The following USPL1 variants were observed in gnomAD, a reference collection of about 807,000 sequenced individuals.
USPL1 encodes the protein ubiquitin specific peptidase like 1.
In USPL1, 27 loss-of-function variants were observed where a neutral mutation model predicts 51.5. The ratio of observed to expected loss-of-function variants is 0.52; its 90% CI spans 0.39 to 0.72. The LOEUF is 0.72. Among genes scored for constraint, USPL1 ranks in the 30% least tolerant of loss-of-function variants. USPL1 has a pLI of 0.00. For synonymous variants in USPL1, 451 were observed against 459.6 expected (o/e 0.98, Z 0.24); for missense variants, 1,226 against 1,268.0 (o/e 0.97, Z 0.50).
chr13:30,624,949 TA>T (rs1196085894), intron 3 of USPL1, among the ~76,000 whole-genome samples: 2 of 152,202 alleles, frequency 1.3e-5, no homozygotes, highest in Non-Finnish European at 2.9e-5. Flanking sequence ...TGTCTTCCCT[TA>T]CCTCCCTGAA....
intron 3 of USPL1, among the ~76,000 whole-genome samples, chr13:30,629,495 A>T (rs985928339): frequency 6.6e-6 from 1 of 152,148 alleles, no homozygotes. Context: ...TCAAAAAAAA[A>T]TTTTAATGGC....
In USPL1 at chr13:30,631,697, C is replaced by G. The variant is rs143952426; in HGVS notation, c.868+223C>G. 3.3e-3 allele frequency among the ~76,000 whole-genome samples: 504 copies of G among 152,280 alleles called. 2 individuals carry two copies. The highest frequency in any genetic ancestry group is 0.012 in the African/African-American group (487 of 41,552). ...GTGAGATGGTGGCCCCACTGTCTTG[C>G]CCAGGCTGGACTCGATTTCCTGGGT... On this transcript the variant is annotated intron_variant, in intron 4 of 8. Transcript: ENST00000255304.
intron 3 of USPL1, among the ~76,000 whole-genome samples, chr13:30,625,322 G>A (rs1377278909): frequency 6.6e-6 from 1 of 152,128 alleles, no homozygotes; most frequent in Non-Finnish European, 1.5e-5. Context: ...ACTTGGAAGA[G>A]CAAGGTTTTG....
chr13:30,643,295 T>G (rs1267624224), intron 6 of USPL1, among the ~76,000 whole-genome samples: 2 of 152,228 alleles, frequency 1.3e-5, no homozygotes, highest in Non-Finnish European at 2.9e-5. Context: ...CTTCAGGCTT[T>G]GCATAAGGTG....
chr13:30,627,114 T>C (rs1408817633), intron 3 of USPL1, among the ~76,000 whole-genome samples: 4 of 152,076 alleles, frequency 2.6e-5, no homozygotes, highest in African/African-American at 9.7e-5. Flanking sequence ...ATTAGGTTTT[T>C]TTCAGCATTG....
chr13:30,620,932 G>T (rs1950638541), intron 1 of USPL1, 141 bp from the exon 2 acceptor site: 3 of 428,350 alleles, frequency 7.0e-6, no homozygotes, highest in Non-Finnish European at 1.2e-5. Context: ...TTCACTTCAA[G>T]ATTATAATTT....
intron 2 of USPL1, 47 bp from the exon 3 acceptor site, chr13:30,621,717 A>G (rs1950648809): frequency 1.5e-6 from 2 of 1,321,140 alleles, no homozygotes; most frequent in Non-Finnish European, 2.0e-6. Flanking sequence ...ATATTTTGAT[A>G]TATTCTAGGA....
At chr13:30,653,572 G>T (rs898680859) in intron 8 of USPL1, among the ~76,000 whole-genome samples, 2 of 152,024 alleles carry the variant, frequency 1.3e-5, no homozygotes, top group African/African-American at 4.8e-5. Context: ...CAAAGGATGA[G>T]ATTACTACTG....
Position 30,659,007 on chromosome 13 carries a change from C to T in USPL1, c.2930C>T (p.Ser977Phe), listed in dbSNP as rs1449031848. 1.2e-6 allele frequency: 2 copies of T among 1,614,058 alleles called. No individual in the cohort carries two copies. The highest frequency in any genetic ancestry group is 1.7e-6 in the Non-Finnish European group (2 of 1,180,050). ...GAAGAAATTTTAGCGGAATTATTGT[C>T]TCCTACACCTGTTTCAACAGAGCTG... ...THEEILAELL[S>F]PTPVSTELSE... Residue 977 changes from serine (S) to phenylalanine (F), a missense_variant, in exon 9 of 9, where the codon TCT (serine) becomes TTT (phenylalanine). By Grantham distance (155) the Ser-to-Phe change is radical (BLOSUM62 -2). Transcript: ENST00000255304.
Position 30,658,054 on chromosome 13 carries a change from A to G in USPL1, c.1977A>G (p.Val659=). The G allele has an allele frequency of 3.1e-6, 5 of 1,613,152 alleles. No homozygotes were observed. The highest frequency in any genetic ancestry group is 4.2e-6 in the Non-Finnish European group (5 of 1,179,902). ...ACATAAGTTTTCCATCCCAAGTTGT[A>G]AATACAAACATGCAGTCAGTACAGC... ...FVDISFPSQV[V]NTNMQSVQLN... Residue 659 remains valine (V), a synonymous_variant, in exon 9 of 9, where the codon GTA becomes GTG. Coordinates refer to ENST00000255304, the MANE Select transcript of USPL1 (RefSeq NM_005800.5).
chr13:30,647,748 T>C (rs1404952756), intron 7 of USPL1, among the ~76,000 whole-genome samples: 2 of 152,166 alleles, frequency 1.3e-5, no homozygotes, highest in Admixed American at 1.3e-4. Flanking sequence ...GAGGTCTAAT[T>C]TGATGTAATA....
intron 4 of USPL1, among the ~76,000 whole-genome samples, chr13:30,634,868 T>C (rs563729527): frequency 1.3e-5 from 2 of 152,358 alleles, no homozygotes; most frequent in East Asian, 3.9e-4. Context: ...TTCACACTTT[T>C]GAGATTTTTG....
At chr13:30,634,165 G>T (rs1950843975) in intron 4 of USPL1, among the ~76,000 whole-genome samples, 1 of 152,050 alleles carries the variant, frequency 6.6e-6, no homozygotes, top group Non-Finnish European at 1.5e-5. Context: ...GTCAAATAAG[G>T]GTTGCTTGAA....
intron 8 of USPL1, among the ~76,000 whole-genome samples, chr13:30,654,841 CTT>C (rs1951139451): frequency 6.6e-6 from 1 of 151,304 alleles, no homozygotes; most frequent in African/African-American, 2.4e-5. Flanking sequence ...ATTCATATGT[CTT>C]TTTAATTCAT....
At position 30,621,769 on chromosome 13, in the gene USPL1, T is replaced by G. The variant is rs1950649656; in HGVS notation, c.105T>G (p.Phe35Leu). The change falls in exon 3 of 9, where the codon TTT (phenylalanine) becomes TTG (leucine). Residue 35 changes from phenylalanine (F) to leucine (L), a missense_variant. Coordinates refer to ENST00000255304, the MANE Select transcript of USPL1 (RefSeq NM_005800.5). ...LHMVGYLGKN[F>L]DSAKVPSDEY... ...TTGCTTTATTTCTCTTTTAGAATTT[T>G]GATTCAGCTAAAGTTCCATCAGATG... The G allele has an allele frequency of 1.3e-6, 2 of 1,516,764 alleles. No homozygotes were observed. The highest frequency in any genetic ancestry group is 2.9e-5 in the African/African-American group (2 of 70,108). The allele number at this position is 1,516,764 out of a possible 1,614,324, so 94.0% of individuals were successfully genotyped here. A position where few individuals can be genotyped will look rare whatever the true frequency, so the allele number is the denominator to read the frequency against.
chr13:30,654,566 T>A (rs1056395933), intron 8 of USPL1, among the ~76,000 whole-genome samples: 4 of 152,102 alleles, frequency 2.6e-5, no homozygotes, highest in Non-Finnish European at 5.9e-5. Flanking sequence ...CCCAGGTGAT[T>A]CCAGTGTGGG....
chr13:30,621,263 G>A, intron 2 of USPL1, 24 bp downstream of exon 2: 1 of 1,534,396 alleles, frequency 6.5e-7, no homozygotes, highest in Non-Finnish European at 8.8e-7. Flanking sequence ...TTTTTTGCCT[G>A]AGTGCAAAGT....
At chr13:30,656,198 T>C (rs1019959332) in intron 8 of USPL1, among the ~76,000 whole-genome samples, 2 of 152,216 alleles carry the variant, frequency 1.3e-5, no homozygotes, top group African/African-American at 4.8e-5. Context: ...CCGTACTTTT[T>C]GTATTTTTTT....
chr13:30,654,771 A>G (rs1007428164), intron 8 of USPL1, among the ~76,000 whole-genome samples: 1 of 152,164 alleles, frequency 6.6e-6, no homozygotes, highest in African/African-American at 2.4e-5. Flanking sequence ...TTATCAGAGA[A>G]TTCATATGTC....
Sources: allele counts gnomAD v4.1 joint callset (sites outside exome capture counted in the v4.1 genomes callset), GRCh38; gene constraint gnomAD v4.1.1; transcripts MANE v1.5; gene names NCBI Gene and HGNC (gene_info 2026-07-23, HGNC 2026-07-21).